Variants in SPATA31C1 observed in about 807,000 individuals in gnomAD.
The protein encoded by SPATA31C1 is SPATA31 subfamily C member 1, also known as spermatogenesis-associated protein 31C1.
rs372581936 is a variant in SPATA31C1, at chr9:87,919,898, A to T, written n.581-18A>T. Reference sequence around the variant, plus strand: ...CCCAAGCCCCTCCCTCACTGCCCTAACCCGGTCTGATTTCCAGCTTGTAGA... The same window carrying T: ...CCCAAGCCCCTCCCTCACTGCCCTATCCCGGTCTGATTTCCAGCTTGTAGA... On this transcript the variant is annotated intron_variant and non_coding_transcript_variant, in intron 3 of 4. Coordinates refer to ENST00000420021, the Ensembl canonical transcript of SPATA31C1. 325 of 1,606,534 alleles carry T rather than the reference A, an allele frequency of 2.0e-4. 3 individuals are homozygous for T. In the South Asian group the frequency reaches 3.5e-3, roughly 17 times the overall value.
chr9:87,920,183 C>T, intron 4 of SPATA31C1, 69 bp from the exon 4 acceptor site: 1 of 1,603,772 alleles, frequency 6.2e-7, no homozygotes, highest in South Asian at 1.1e-5. Flanking sequence ...GGCTGTGGCC[C>T]AAGCGCCCAC....
chr9:87,920,124 T>C lies in SPATA31C1; in HGVS notation n.642-128T>C, dbSNP rs1159610608. 1.6e-5 allele frequency: 26 copies of C among 1,600,440 alleles called. No individual in the cohort carries two copies. In the East Asian group the frequency reaches 3.8e-4, roughly 23 times the overall value. Reference sequence around the variant, plus strand: ...CCTGGGGCGAGGGGTAGCAGGAGAATTGGGTGGTCAGGGTGTGGCGTGGTG... The same window carrying C: ...CCTGGGGCGAGGGGTAGCAGGAGAACTGGGTGGTCAGGGTGTGGCGTGGTG... On this transcript the variant is annotated intron_variant and non_coding_transcript_variant, in intron 4 of 4. Transcript: ENST00000420021.
exon 5 of SPATA31C1, chr9:87,920,968 TGGCTCAGGCCGA>T (rs1409281253): frequency 2.5e-6 from 4 of 1,612,890 alleles, no homozygotes; most frequent in African/African-American, 1.3e-5. Context: ...CCCACACCTA[TGGCTCAGGCCGA>T]GGCTCAGGCC....
intron 2 of SPATA31C1, 130 bp from the exon 2 acceptor site, chr9:87,919,125 G>A: frequency 2.2e-6 from 3 of 1,372,092 alleles, no homozygotes; most frequent in Non-Finnish European, 3.0e-6. Flanking sequence ...ACATGAGTGG[G>A]AGGGGAGAAA....
chr9:87,920,111 G>A lies in SPATA31C1; in HGVS notation n.641+135G>A, dbSNP rs1409577562. On this transcript the variant is annotated intron_variant and non_coding_transcript_variant, in intron 4 of 4. Coordinates refer to ENST00000420021, the Ensembl canonical transcript of SPATA31C1. ...ATGGGAGTAAAGCCCTGGGGCGAGG[G>A]GTAGCAGGAGAATTGGGTGGTCAGG... 2.9e-5 allele frequency: 47 copies of A among 1,603,606 alleles called. No homozygotes were observed. The East Asian group carries it at 9.8e-4, about 34-fold the overall frequency.
chr9:87,920,185 A>G, intron 4 of SPATA31C1, 67 bp from the exon 4 acceptor site: 3 of 1,604,360 alleles, frequency 1.9e-6, no homozygotes, highest in African/African-American at 2.7e-5. Context: ...CTGTGGCCCA[A>G]GCGCCCACTC....
At chr9:87,922,219 A>T (rs1027839576) in exon 5 of SPATA31C1, 1 of 1,613,276 alleles carries the variant, frequency 6.2e-7, no homozygotes, top group Non-Finnish European at 8.5e-7. Context: ...GCTGGACAGG[A>T]GGGCAGGTGG....
chr9:87,920,546 T>G, exon 5 of SPATA31C1: 1 of 1,613,696 alleles, frequency 6.2e-7, no homozygotes, highest in Non-Finnish European at 8.5e-7. Flanking sequence ...CCGAGCCACC[T>G]GCACTTTTCC....
At chr9:87,916,105 G>A (rs1406737017) in intron 1 of SPATA31C1, among the ~76,000 whole-genome samples, 1 of 144,030 alleles carries the variant, frequency 6.9e-6, no homozygotes, top group Non-Finnish European at 1.5e-5. Flanking sequence ...ATTACTAATA[G>A]GAGGGTATCT....
At position 87,922,039 on chromosome 9, in the gene SPATA31C1, C is replaced by T. The variant is rs182495653; in HGVS notation, n.2429C>T. On this transcript the variant is annotated non_coding_transcript_exon_variant, in exon 5 of 5. Coordinates refer to ENST00000420021, the Ensembl canonical transcript of SPATA31C1. ...GCTGGCTCAAAAGTTGAGGTGGCCA[C>T]GCTCCTTGGAGAGCCACCAATGGCA... 388 of 1,613,936 alleles carry T rather than the reference C, an allele frequency of 2.4e-4. 1 individual carries two copies. Among genetic ancestry groups the T allele is most frequent in the South Asian group, 2.0e-3 (178 of 91,072 alleles).
chr9:87,920,405 C>T, exon 5 of SPATA31C1: 3 of 1,613,984 alleles, frequency 1.9e-6, no homozygotes, highest in Non-Finnish European at 2.5e-6. Flanking sequence ...CGTTAGCTTC[C>T]CCGGATCCTC....
At chr9:87,921,549 G>A in exon 5 of SPATA31C1, 3 of 1,612,000 alleles carry the variant, frequency 1.9e-6, no homozygotes, top group African/African-American at 1.3e-5. Context: ...GGTTCTGGGG[G>A]CGACCTCTGA....
At chr9:87,920,452 C>G in exon 5 of SPATA31C1, 2 of 1,613,978 alleles carry the variant, frequency 1.2e-6, no homozygotes, top group Non-Finnish European at 1.7e-6. Context: ...TCCACCCCAC[C>G]ACCAGGCCCA....
At chr9:87,921,850 C>T in exon 5 of SPATA31C1, 4 of 1,612,066 alleles carry the variant, frequency 2.5e-6, no homozygotes, top group African/African-American at 1.3e-5. Context: ...GAGCTGTGTA[C>T]TCAGCAGGTG....
chr9:87,920,916 C>A (rs1449073772), exon 5 of SPATA31C1: 1 of 1,613,158 alleles, frequency 6.2e-7, no homozygotes, highest in Non-Finnish European at 8.5e-7. Flanking sequence ...CCATCTGGGG[C>A]CTGAGTCCCA....
intron 1 of SPATA31C1, among the ~76,000 whole-genome samples, chr9:87,915,647 GT>G (rs1405172855): frequency 7.0e-6 from 1 of 143,862 alleles, no homozygotes; most frequent in Non-Finnish European, 1.5e-5. Flanking sequence ...TGAGGTTATT[GT>G]TTTGTCTATG....
chr9:87,920,709 C>T (rs749765765), exon 5 of SPATA31C1: 16 of 1,614,012 alleles, frequency 9.9e-6, no homozygotes, highest in African/African-American at 1.3e-5. Flanking sequence ...AAGCTTGTCT[C>T]CACGTGAGGA....
exon 5 of SPATA31C1, chr9:87,920,397 T>A (rs1828819260): frequency 6.2e-7 from 1 of 1,613,886 alleles, no homozygotes; most frequent in South Asian, 1.1e-5. Context: ...TGTCTCCCCG[T>A]TAGCTTCCCC....
At chr9:87,920,572 C>A (rs1188276995) in exon 5 of SPATA31C1, 1 of 1,613,784 alleles carries the variant, frequency 6.2e-7, no homozygotes, top group South Asian at 1.1e-5. Context: ...CCACCACACA[C>A]CCCTGATCCT....
Sources: allele counts gnomAD v4.1 joint callset (sites outside exome capture counted in the v4.1 genomes callset), GRCh38; gene constraint gnomAD v4.1.1; transcripts MANE v1.5; gene names NCBI Gene and HGNC (gene_info 2026-07-23, HGNC 2026-07-21).